Variants in SYNPR observed in about 807,000 individuals in gnomAD.
SYNPR encodes the protein synaptoporin.
A neutral mutation model predicts 32.9 loss-of-function variants in SYNPR; 23 were observed. The ratio of observed to expected loss-of-function variants is 0.70; its 90% CI spans 0.50 to 0.99. The LOEUF (loss-of-function observed/expected upper bound fraction) is 0.99, where lower values mean the gene tolerates loss of function less well. SYNPR is among the 50% of genes least tolerant of loss of function. The pLI is 0.00. For missense variants in SYNPR, 318 were observed against 349.3 expected (o/e 0.91, Z 0.71); for synonymous variants, 146 against 135.9 (o/e 1.07, Z -0.52).
intron 1 of SYNPR, among the ~76,000 whole-genome samples, chr3:63,232,386 G>C (rs529551445): frequency 1.1e-4 from 16 of 151,888 alleles, no homozygotes; most frequent in African/African-American, 3.9e-4. Context: ...ATTTTTAGTA[G>C]AGACAGCGTT....
the SYNPR span, among the ~76,000 whole-genome samples, chr3:63,202,989 A>G: frequency 8.7e-5 from 13 of 149,976 alleles, no homozygotes; most frequent in African/African-American, 3.0e-4. Context: ...GAAAAATGTG[A>G]TCTAATTGGG....
intron 2 of SYNPR, among the ~76,000 whole-genome samples, chr3:63,362,492 G>GA (rs1028687914): frequency 2.5e-4 from 37 of 150,376 alleles, no homozygotes; most frequent in African/African-American, 6.1e-4. Context: ...GGTTTATTAA[G>GA]AAAAAAAAAT....
At chr3:63,208,656 G>T in the SYNPR span, among the ~76,000 whole-genome samples, 2 of 152,180 alleles carry the variant, frequency 1.3e-5, no homozygotes, top group African/African-American at 4.8e-5. Context: ...TGCTGAAAGA[G>T]AATTCTGTAC....
At chr3:63,425,029 G>C (rs1197561715) in intron 2 of SYNPR, among the ~76,000 whole-genome samples, 1 of 152,190 alleles carries the variant, frequency 6.6e-6, no homozygotes, top group Non-Finnish European at 1.5e-5. Context: ...TAGCAGGGAG[G>C]AGGGGAAAGT....
intron 2 of SYNPR, among the ~76,000 whole-genome samples, chr3:63,358,579 T>C (rs2087614881): frequency 6.6e-6 from 1 of 152,038 alleles, no homozygotes; most frequent in South Asian, 2.1e-4. Context: ...GATTAGAACA[T>C]GAACATCTTT....
At chr3:63,494,670 C>G (rs772948579) in intron 3 of SYNPR, among the ~76,000 whole-genome samples, 4 of 151,844 alleles carry the variant, frequency 2.6e-5, no homozygotes, top group Non-Finnish European at 4.4e-5. Flanking sequence ...GCTAACAACA[C>G]CTCTATGAGA....
At chr3:63,334,886 T>C (rs1030958619) in intron 2 of SYNPR, among the ~76,000 whole-genome samples, 2 of 152,142 alleles carry the variant, frequency 1.3e-5, no homozygotes, top group Non-Finnish European at 2.9e-5. Context: ...CACTAGCAGA[T>C]ACTTTTAAAA....
chr3:63,422,387 A>G (rs1274132977), intron 2 of SYNPR, among the ~76,000 whole-genome samples: 1 of 152,252 alleles, frequency 6.6e-6, no homozygotes, highest in Non-Finnish European at 1.5e-5. Context: ...TTTTAAGAAC[A>G]AGATGATCAA....
intron 2 of SYNPR, among the ~76,000 whole-genome samples, chr3:63,432,956 C>T (rs946224192): frequency 1.3e-5 from 2 of 152,208 alleles, no homozygotes; most frequent in South Asian, 2.1e-4. Context: ...ACCCTCCTGG[C>T]TTCTGATTCA....
chr3:63,226,692 G>T (rs1178902443), upstream of SYNPR, among the ~76,000 whole-genome samples: 6 of 152,190 alleles, frequency 3.9e-5, no homozygotes, highest in South Asian at 6.2e-4. Flanking sequence ...ACATACCAGA[G>T]TTGGGGAATG....
intron 3 of SYNPR, among the ~76,000 whole-genome samples, chr3:63,494,026 A>AT (rs879835616): frequency 2.5e-4 from 37 of 149,704 alleles, no homozygotes; most frequent in Admixed American, 1.1e-3. Context: ...ACATTGATTG[A>AT]TTTTTTTTTT....
At chr3:63,545,912 A>C (rs1702393907) in intron 3 of SYNPR, among the ~76,000 whole-genome samples, 1 of 152,172 alleles carries the variant, frequency 6.6e-6, no homozygotes, top group Admixed American at 6.6e-5. Flanking sequence ...TTTTAATCAA[A>C]GACTTTAAAT....
chr3:63,594,953 G>T (rs1457916282), intron 4 of SYNPR, among the ~76,000 whole-genome samples: 1 of 152,160 alleles, frequency 6.6e-6, no homozygotes, highest in Non-Finnish European at 1.5e-5. Flanking sequence ...CTCTGCCTGA[G>T]CTCAGAGAAA....
chr3:63,615,178 G>T, intron 5 of SYNPR, 46 bp from the exon 6 acceptor site: 2 of 1,576,200 alleles, frequency 1.3e-6, no homozygotes, highest in African/African-American at 2.7e-5. Context: ...ATTTTTCTTG[G>T]GTTTTTGTCT....
intron 2 of SYNPR, among the ~76,000 whole-genome samples, chr3:63,452,665 T>A (rs965188631): frequency 1.5e-5 from 2 of 134,008 alleles, no homozygotes; most frequent in African/African-American, 5.5e-5. Context: ...ACTATCATTA[T>A]TTTAAGAATG....
At chr3:63,449,408 A>G (rs563642674) in intron 2 of SYNPR, among the ~76,000 whole-genome samples, 6 of 152,282 alleles carry the variant, frequency 3.9e-5, no homozygotes, top group Admixed American at 6.5e-5. Flanking sequence ...TACTATTAAC[A>G]TTCTGGTGCA....
chr3:63,520,925 C>A (rs1701900703), intron 3 of SYNPR, among the ~76,000 whole-genome samples: 1 of 25,252 alleles, frequency 4.0e-5, no homozygotes, highest in African/African-American at 3.0e-4. Flanking sequence ...CTCTTTGGGG[C>A]CCCGTTTTTT....
intron 3 of SYNPR, among the ~76,000 whole-genome samples, chr3:63,495,167 T>C (rs954204957): frequency 2.0e-4 from 30 of 152,230 alleles, no homozygotes; most frequent in African/African-American, 7.2e-4. Context: ...TTTCTCATTT[T>C]TCATTTTGAA....
chr3:63,273,020 C>T, intron 3 of SYNPR, among the ~76,000 whole-genome samples: 1 of 152,016 alleles, frequency 6.6e-6, no homozygotes, highest in Non-Finnish European at 1.5e-5. Context: ...AAATACACAG[C>T]TAATGATGAA....
Sources: gnomAD v4.1 joint callset for allele counts (sites outside exome capture counted in the v4.1 genomes callset) on GRCh38, gnomAD v4.1.1 for gene constraint, MANE v1.5 for transcripts, NCBI Gene and HGNC (gene_info 2026-07-23, HGNC 2026-07-21) for gene names.